The following PDE7B variants were observed in gnomAD, a reference collection of about 807,000 sequenced individuals.
The protein encoded by PDE7B is phosphodiesterase 7B.
In PDE7B, 29 loss-of-function variants were observed where a neutral mutation model predicts 56.2. The observed-to-expected ratio is 0.52, with a 90% CI of 0.38 to 0.70. The LOEUF is 0.70. Ranked by LOEUF, PDE7B falls within the 30% of genes least tolerant of loss-of-function variation. PDE7B has a pLI of 0.00. For missense variants in PDE7B, 490 were observed against 565.0 expected (o/e 0.87, Z 1.35); for synonymous variants, 197 against 196.9 (o/e 1.00, Z 0.00).
intron 2 of PDE7B, among the ~76,000 whole-genome samples, chr6:135,991,506 G>A (rs1032046040): frequency 5.3e-5 from 8 of 152,018 alleles, no homozygotes; most frequent in Non-Finnish European, 7.4e-5. Context: ...ACTCACATTC[G>A]CCAATACCAG....
intron 2 of PDE7B, among the ~76,000 whole-genome samples, chr6:136,106,216 T>G (rs1431823715): frequency 2.0e-5 from 3 of 152,274 alleles, no homozygotes; most frequent in African/African-American, 7.2e-5. Context: ...ATTTTTACTG[T>G]ATATGTCTCC....
chr6:135,957,133 G>A (rs968149121), intron 2 of PDE7B, among the ~76,000 whole-genome samples: 1 of 152,186 alleles, frequency 6.6e-6, no homozygotes, highest in Non-Finnish European at 1.5e-5. Context: ...GAAGCATGGA[G>A]ATAGAGACAG....
intron 3 of PDE7B, among the ~76,000 whole-genome samples, chr6:136,121,665 T>A (rs1777935907): frequency 6.6e-6 from 1 of 152,198 alleles, no homozygotes; most frequent in Non-Finnish European, 1.5e-5. Context: ...CCAGCTAAAT[T>A]GGCAAGTGTC....
At chr6:136,051,055 A>G (rs746502861) in intron 2 of PDE7B, among the ~76,000 whole-genome samples, 23 of 152,036 alleles carry the variant, frequency 1.5e-4, no homozygotes, top group Non-Finnish European at 1.3e-4. Context: ...ACCTTGTTCC[A>G]TTAAAAATAA....
intron 2 of PDE7B, among the ~76,000 whole-genome samples, chr6:136,004,406 T>A (rs938231873): frequency 2.0e-4 from 30 of 152,162 alleles, no homozygotes; most frequent in African/African-American, 7.2e-4. Context: ...AAAGAGGAAG[T>A]CAAATTGTCC....
At chr6:136,085,999 GC>G (rs1428549632) in intron 2 of PDE7B, among the ~76,000 whole-genome samples, 2 of 152,100 alleles carry the variant, frequency 1.3e-5, no homozygotes, top group East Asian at 1.9e-4. Context: ...TTACGGTTTT[GC>G]TTTATTGGCC....
chr6:136,181,187 A>G, intron 10 of PDE7B, 40 bp from the exon 11 acceptor site: 1 of 1,463,906 alleles, frequency 6.8e-7, no homozygotes, highest in Non-Finnish European at 9.6e-7. Context: ...AACTGAAAGA[A>G]CATCCTCTCA....
At chr6:136,063,429 G>A (rs778088435) in intron 2 of PDE7B, among the ~76,000 whole-genome samples, 4 of 152,138 alleles carry the variant, frequency 2.6e-5, no homozygotes, top group East Asian at 1.9e-4. Context: ...TTTCCCATCC[G>A]TATCCTTCTG....
chr6:135,992,733 A>G (rs1353394527), intron 2 of PDE7B, among the ~76,000 whole-genome samples: 1 of 152,230 alleles, frequency 6.6e-6, no homozygotes, highest in East Asian at 1.9e-4. Context: ...TTTATGTTTC[A>G]TCTACGGATA....
chr6:135,910,258 C>T (rs150459471), intron 1 of PDE7B, among the ~76,000 whole-genome samples: 21 of 152,308 alleles, frequency 1.4e-4, no homozygotes, highest in African/African-American at 3.9e-4. Flanking sequence ...TCCTCACTTA[C>T]CAATATCTGT....
chr6:135,906,042 G>C (rs879176097), intron 1 of PDE7B, among the ~76,000 whole-genome samples: 5 of 152,124 alleles, frequency 3.3e-5, no homozygotes, highest in Admixed American at 3.3e-4. Context: ...GGACGCTGCT[G>C]TTTCAAAAGT....
chr6:135,907,447 C>A (rs1278545211), intron 1 of PDE7B, among the ~76,000 whole-genome samples: 2 of 152,014 alleles, frequency 1.3e-5, no homozygotes, highest in East Asian at 1.9e-4. Context: ...GCTTTGGTTG[C>A]TCAGCGGTGC....
rs531972149 is a variant in PDE7B at position 136,098,772 on chromosome 6, TTTTC to T, written c.83-9955_83-9952del. Among the ~76,000 whole-genome samples the T allele has an allele frequency of 3.4e-3, 476 of 140,964 alleles. 1 individual carries two copies. The highest frequency in any genetic ancestry group is 5.5e-3 in the Non-Finnish European group (374 of 67,844). 92.5% of individuals were successfully genotyped at this position (140,964 alleles called of 152,430 possible). On this transcript the variant is annotated intron_variant, in intron 2 of 12. Transcript: ENST00000308191. ...TTGCATTTCCCTTTTCCTCACCTACTTTTCTTTTTTTTTTTTATTATTCTTAAAG... is the reference window on the plus strand; with the variant it reads ...TTGCATTTCCCTTTTCCTCACCTACTTTTTTTTTTTTTATTATTCTTAAAG...
chr6:136,048,899 T>C (rs1776569925), intron 2 of PDE7B: 2 of 152,056 alleles, frequency 1.3e-5, no homozygotes, highest in South Asian at 4.1e-4. Context: ...AGAAATAATA[T>C]AGAAATAATC....
intron 2 of PDE7B, among the ~76,000 whole-genome samples, chr6:136,019,577 C>T (rs543422354): frequency 6.6e-6 from 1 of 152,230 alleles, no homozygotes; most frequent in East Asian, 1.9e-4. Flanking sequence ...CTTGGCAATA[C>T]AGTTGATCCT....
intron 8 of PDE7B, among the ~76,000 whole-genome samples, chr6:136,158,383 G>A (rs545433578): frequency 2.1e-4 from 32 of 152,242 alleles, no homozygotes; most frequent in Middle Eastern, 3.4e-3. Flanking sequence ...TTATGCATGC[G>A]CACATGCACA....
intron 6 of PDE7B, among the ~76,000 whole-genome samples, chr6:136,153,372 G>T (rs568675940): frequency 6.6e-6 from 1 of 152,152 alleles, no homozygotes; most frequent in South Asian, 2.1e-4. Flanking sequence ...TGCATCCTAA[G>T]CATCGCCTTG....
At chr6:135,951,348 C>T (rs907379752) in intron 2 of PDE7B, among the ~76,000 whole-genome samples, 1 of 151,960 alleles carries the variant, frequency 6.6e-6, no homozygotes, top group African/African-American at 2.4e-5. Flanking sequence ...TGAACAGATA[C>T]TAAAAGAAAG....
intron 1 of PDE7B, among the ~76,000 whole-genome samples, chr6:135,927,462 A>G (rs1333583760): frequency 6.6e-6 from 1 of 152,156 alleles, no homozygotes; most frequent in Non-Finnish European, 1.5e-5. Context: ...CATTGAATCT[A>G]TAAACTCTTT....
Sources: gnomAD v4.1 joint callset for allele counts (sites outside exome capture counted in the v4.1 genomes callset) on GRCh38, gnomAD v4.1.1 for gene constraint, MANE v1.5 for transcripts, NCBI Gene and HGNC (gene_info 2026-07-23, HGNC 2026-07-21) for gene names.